The following RBMS2 variants were observed in gnomAD, a reference collection of about 807,000 sequenced individuals.
The protein encoded by RBMS2 is RNA binding motif single stranded interacting protein 2, also known as RNA-binding motif, single-stranded-interacting protein 2.
Under a neutral mutation model 58.4 loss-of-function variants are expected in RBMS2, and 38 were observed. The ratio of observed to expected loss-of-function variants is 0.65; its 90% CI spans 0.50 to 0.85. RBMS2 has a LOEUF of 0.85. Ranked by LOEUF, RBMS2 falls within the 40% of genes least tolerant of loss-of-function variation. The pLI is 0.00. For synonymous variants in RBMS2, 151 were observed against 180.7 expected (o/e 0.84, Z 1.32); for missense variants, 367 against 503.7 (o/e 0.73, Z 2.60).
chr12:56,525,075 G>T (rs1214603058), intron 1 of RBMS2, among the ~76,000 whole-genome samples: 1 of 151,834 alleles, frequency 6.6e-6, no homozygotes, highest in Non-Finnish European at 1.5e-5. Flanking sequence ...TAGATGACCA[G>T]GGAGGGTGTT....
At chr12:56,522,224 T>G (rs1871840452) in intron 1 of RBMS2, 135 bp downstream of exon 1, 1 of 667,196 alleles carries the variant, frequency 1.5e-6, no homozygotes, top group Non-Finnish European at 2.5e-6. Context: ...ACCGCGCTTC[T>G]CCCTTTTCCA....
At chr12:56,565,744 C>T (rs988359162) in intron 2 of RBMS2, among the ~76,000 whole-genome samples, 1 of 152,044 alleles carries the variant, frequency 6.6e-6, no homozygotes, top group Admixed American at 6.6e-5. Flanking sequence ...GGACTTCCTG[C>T]CTTTGTCCCA....
intron 2 of RBMS2, among the ~76,000 whole-genome samples, chr12:56,563,422 G>A (rs1469534238): frequency 6.6e-6 from 1 of 152,158 alleles, no homozygotes; most frequent in Non-Finnish European, 1.5e-5. Flanking sequence ...TCTGCTGCTG[G>A]AGATATTCCT....
chr12:56,534,927 C>A (rs1018054003), intron 1 of RBMS2, among the ~76,000 whole-genome samples: 1 of 152,216 alleles, frequency 6.6e-6, no homozygotes, highest in Non-Finnish European at 1.5e-5. Context: ...AGGCGTGAGA[C>A]ACGGCGCCCA....
At chr12:56,546,332 CATT>C (rs1416671146) in intron 1 of RBMS2, among the ~76,000 whole-genome samples, 3 of 78,666 alleles carry the variant, frequency 3.8e-5, no homozygotes, top group Non-Finnish European at 8.2e-5. Context: ...AATAATAATA[CATT>C]ATAATACATT....
intron 1 of RBMS2, among the ~76,000 whole-genome samples, chr12:56,545,646 A>T (rs1368450151): frequency 6.6e-6 from 1 of 152,074 alleles, no homozygotes; most frequent in Non-Finnish European, 1.5e-5. Context: ...AGATTGCCCT[A>T]TTCTGGACAT....
chr12:56,522,829 A>C (rs1345071684), intron 1 of RBMS2, among the ~76,000 whole-genome samples: 1 of 152,166 alleles, frequency 6.6e-6, no homozygotes. Context: ...TCTTGTCCAT[A>C]TTTGACAAGG....
intron 5 of RBMS2, chr12:56,573,055 A>AC: frequency 1.1e-6 from 1 of 872,190 alleles, no homozygotes; most frequent in Non-Finnish European, 1.4e-6. Context: ...GATTCTTTTG[A>AC]CTTTTTTTTT....
chr12:56,541,722 G>T (rs1876126184), intron 1 of RBMS2, among the ~76,000 whole-genome samples: 2 of 152,218 alleles, frequency 1.3e-5, no homozygotes, highest in South Asian at 4.1e-4. Flanking sequence ...ACTTCTTCGT[G>T]TGGGCACTTA....
upstream of RBMS2, among the ~76,000 whole-genome samples, chr12:56,520,869 G>A (rs1468912850): frequency 2.0e-5 from 3 of 152,128 alleles, no homozygotes; most frequent in Non-Finnish European, 4.4e-5. Context: ...TGAGGAAATA[G>A]CAGGGTAAAG....
rs932824244 is a variant in RBMS2, at chr12:56,590,417, G to C, written c.*1284G>C. 1 of 152,222 alleles carries C rather than the reference G, an allele frequency of 6.6e-6. No individual in the cohort carries two copies. The highest frequency in any genetic ancestry group is 1.5e-5 in the Non-Finnish European group (1 of 68,074). The allele number at this position is 152,222 out of a possible 1,614,324, so 9.4% of individuals were successfully genotyped here. On this transcript the variant is annotated 3_prime_UTR_variant, in exon 14 of 14. Coordinates refer to ENST00000262031, the MANE Select transcript of RBMS2 (RefSeq NM_002898.4). ...TGCCACGCCTGGAGGTGGGATGTGT[G>C]TGCTACTGGCATCTAGTGGCTGCTA...
chr12:56,522,095 G>C lies in RBMS2; in HGVS notation c.66+6G>C. 1 of 1,584,782 alleles carries C rather than the reference G, an allele frequency of 6.3e-7. No homozygotes were observed. The highest frequency in any genetic ancestry group is 8.7e-7 in the Non-Finnish European group (1 of 1,155,952). On this transcript the variant is annotated splice_donor_region_variant and intron_variant, in intron 1 of 13. Transcript: ENST00000262031. ...ACAATAGAAACAACAAGAAGGTAGG[G>C]AAAAGCGCTTTTTTGGTATCTAGCT...
At chr12:56,521,506 T>TTTTTTTTTG (rs1871722692), upstream of RBMS2, among the ~76,000 whole-genome samples, 3 of 143,066 alleles carry the variant, frequency 2.1e-5, no homozygotes, top group African/African-American at 8.0e-5. Context: ...AACTCTGTTT[T>TTTTTTTTTG]TTTTTTTTTT....
At position 56,566,801 on chromosome 12, in the gene RBMS2, A is replaced by C. The variant is rs1406570069; in HGVS notation, c.234-2174A>C. On this transcript the variant is annotated intron_variant, in intron 2 of 13. Coordinates refer to ENST00000262031, the MANE Select transcript of RBMS2 (RefSeq NM_002898.4). ...CCACTGCACTCCAGCCTGGGCAACA[A>C]GAGTGAAACTCTGTTTCAGAAAACA... 2.6e-5 allele frequency among the ~76,000 whole-genome samples: 4 copies of C among 152,156 alleles called. No homozygotes were observed. In the East Asian group the frequency reaches 5.8e-4, roughly 22 times the overall value.
intron 1 of RBMS2, among the ~76,000 whole-genome samples, chr12:56,553,944 C>T (rs1878772547): frequency 6.6e-6 from 1 of 151,712 alleles, no homozygotes; most frequent in Non-Finnish European, 1.5e-5. Flanking sequence ...CCTGCCCCAG[C>T]CTCCCGAGTA....
At chr12:56,566,762 G>A (rs575497823) in intron 2 of RBMS2, among the ~76,000 whole-genome samples, 3 of 152,240 alleles carry the variant, frequency 2.0e-5, no homozygotes, top group South Asian at 2.1e-4. Flanking sequence ...AGGTTGCAGC[G>A]AGCCGAGATC....
intron 1 of RBMS2, among the ~76,000 whole-genome samples, chr12:56,556,025 A>G (rs914946405): frequency 2.0e-5 from 3 of 151,560 alleles, no homozygotes; most frequent in Admixed American, 1.3e-4. Flanking sequence ...AGCCTGGAAG[A>G]CAGAGCTAGA....
intron 1 of RBMS2, among the ~76,000 whole-genome samples, chr12:56,537,397 C>T (rs1037207250): frequency 6.6e-6 from 1 of 152,174 alleles, no homozygotes. Context: ...CTTTCTGTCT[C>T]GATGAATTTG....
At chr12:56,551,073 G>A (rs775522441) in intron 1 of RBMS2, among the ~76,000 whole-genome samples, 12 of 144,622 alleles carry the variant, frequency 8.3e-5, no homozygotes, top group East Asian at 2.1e-4. Context: ...AGCTATGATC[G>A]CGCACCACTG....
Sources: allele counts gnomAD v4.1 joint callset (sites outside exome capture counted in the v4.1 genomes callset), GRCh38; gene constraint gnomAD v4.1.1; transcripts MANE v1.5; gene names NCBI Gene and HGNC (gene_info 2026-07-23, HGNC 2026-07-21).